Variants in RNF38 observed in about 807,000 individuals in gnomAD.
RNF38 encodes ring finger protein 38, also known as E3 ubiquitin-protein ligase RNF38.
RNF38 carries 15 observed loss-of-function variants against 67.2 expected under a neutral mutation model. The observed-to-expected ratio is 0.22, with a 90% CI of 0.15 to 0.34. The LOEUF (loss-of-function observed/expected upper bound fraction) is 0.34. RNF38 is among the 10% of genes least tolerant of loss of function. The pLI is 1.00. For missense variants in RNF38, 524 were observed against 639.9 expected (o/e 0.82, Z 1.95); for synonymous variants, 220 against 218.8 (o/e 1.01, Z -0.05).
chr9:36,389,365 T>A (rs1836896318), intron 2 of RNF38, among the ~76,000 whole-genome samples: 1 of 151,978 alleles, frequency 6.6e-6, no homozygotes, highest in Non-Finnish European at 1.5e-5. Context: ...AAAAAACCCT[T>A]TTTATTGGTG....
chr9:36,342,753 T>G (rs1297328566), intron 10 of RNF38, among the ~76,000 whole-genome samples: 1 of 152,132 alleles, frequency 6.6e-6, no homozygotes, highest in African/African-American at 2.4e-5. Context: ...ATATAAAAAC[T>G]GACTCAAATG....
intron 1 of RNF38, among the ~76,000 whole-genome samples, chr9:36,469,687 T>C (rs544247158): frequency 4.9e-4 from 74 of 150,902 alleles, no homozygotes; most frequent in African/African-American, 1.7e-3. Flanking sequence ...ATATATATAA[T>C]GTTCAAAGCC....
chr9:36,401,204 G>GGGGCGGGGCGGGGCGGGGCTGC, upstream of RNF38: 1 of 977,186 alleles, frequency 1.0e-6, no homozygotes, highest in Non-Finnish European at 1.2e-6. Flanking sequence ...GGAAGGGGGC[G>GGGGCGGGGCGGGGCGGGGCTGC]GGGCGGGGCG....
intron 3 of RNF38, among the ~76,000 whole-genome samples, chr9:36,374,560 C>T (rs1023184924): frequency 1.8e-4 from 28 of 152,176 alleles, no homozygotes; most frequent in African/African-American, 3.6e-4. Context: ...CTGCAACCTC[C>T]GCCTCCTGGG....
At chr9:36,364,164 C>A (rs7874839) in intron 4 of RNF38, among the ~76,000 whole-genome samples, 1 of 151,660 alleles carries the variant, frequency 6.6e-6, no homozygotes, top group Admixed American at 6.6e-5. Context: ...AGTGTGCCTG[C>A]CTCTCCTCCA....
chr9:36,399,509 CCAT>C (rs1837831084), intron 1 of RNF38, among the ~76,000 whole-genome samples: 1 of 147,390 alleles, frequency 6.8e-6, no homozygotes, highest in African/African-American at 2.5e-5. Flanking sequence ...TTATATAATA[CCAT>C]ATTATAAATA....
intron 1 of RNF38, among the ~76,000 whole-genome samples, chr9:36,454,128 C>CTT (rs111987823): frequency 1.9e-4 from 28 of 146,216 alleles, no homozygotes; most frequent in Admixed American, 5.5e-4. Flanking sequence ...TTCTTTCATA[C>CTT]TTTTTTTTTT....
intron 1 of RNF38, among the ~76,000 whole-genome samples, chr9:36,399,023 T>TTTATTGATAC (rs1837773492): frequency 7.0e-6 from 1 of 143,074 alleles, no homozygotes; most frequent in Non-Finnish European, 1.6e-5. Flanking sequence ...CCAATGCTGT[T>TTTATTGATAC]GGCAGAGAGA....
In RNF38 at chr9:36,475,131, G is replaced by A. The variant is rs575694839; in HGVS notation, n.241+12177C>T. ...ATTTCACTCCAGCCTGGGCAATAGAGTGAGACTCTGCCTCAAAAAAAAAAA... is the reference window on the plus strand; with the variant it reads ...ATTTCACTCCAGCCTGGGCAATAGAATGAGACTCTGCCTCAAAAAAAAAAA... On this transcript the variant is annotated intron_variant and non_coding_transcript_variant, in intron 1 of 3. Coordinates refer to the RNF38 transcript ENST00000488058. Among the ~76,000 whole-genome samples the A allele has an allele frequency of 1.8e-3, 197 of 112,060 alleles. 1 individual carries two copies. Among genetic ancestry groups the A allele is most frequent in the Non-Finnish European group, 2.9e-3 (162 of 55,164 alleles). 73.5% of individuals were successfully genotyped at this position (112,060 alleles called of 152,430 possible).
In RNF38 at chr9:36,372,365, G is replaced by A; in HGVS notation, c.357-2433C>T. 8.9e-6 allele frequency: 5 copies of A among 560,872 alleles called. No individual in the cohort carries two copies. In the South Asian group the frequency reaches 1.2e-4, roughly 13 times the overall value. 34.7% of individuals were successfully genotyped at this position (560,872 alleles called of 1,614,324 possible). ...AAAATTCGATCTTGCTTGTTCTATTGTTTCTTGAAGTTTATTGTTAATTGA... is the reference window on the plus strand; with the variant it reads ...AAAATTCGATCTTGCTTGTTCTATTATTTCTTGAAGTTTATTGTTAATTGA... On this transcript the variant is annotated intron_variant, in intron 3 of 11. Coordinates refer to ENST00000259605, the MANE Select transcript of RNF38 (RefSeq NM_022781.5).
chr9:36,349,426 T>C (rs914263633), intron 9 of RNF38, among the ~76,000 whole-genome samples: 2 of 152,210 alleles, frequency 1.3e-5, no homozygotes, highest in African/African-American at 4.8e-5. Flanking sequence ...TGTGTCTTCT[T>C]TGAGAAATGT....
intron 11 of RNF38, among the ~76,000 whole-genome samples, chr9:36,340,805 C>T (rs1486286543): frequency 2.6e-5 from 4 of 152,178 alleles, no homozygotes; most frequent in Non-Finnish European, 5.9e-5. Context: ...CCTAAATTTG[C>T]TTTCTCCATT....
At chr9:36,357,000 A>G (rs1834172960) in intron 5 of RNF38, among the ~76,000 whole-genome samples, 1 of 152,236 alleles carries the variant, frequency 6.6e-6, no homozygotes, top group Admixed American at 6.5e-5. Context: ...CTGTTAAGTT[A>G]GTATTGGTAT....
At chr9:36,355,865 G>A (rs11794991) in intron 6 of RNF38, among the ~76,000 whole-genome samples, 9,874 of 151,988 alleles carry the variant, frequency 0.065, 402 homozygotes, top group Middle Eastern at 0.11. Flanking sequence ...GTTTATTTTG[G>A]AGACAGAGTC....
chr9:36,487,370 C>G (rs562165267), exon 1 of RNF38: 1 of 984,098 alleles, frequency 1.0e-6, no homozygotes, highest in East Asian at 1.1e-4. Context: ...AGGCCCGTGG[C>G]CCGGAGGGCT....
intron 1 of RNF38, among the ~76,000 whole-genome samples, chr9:36,482,895 G>A (rs1394546396): frequency 6.6e-6 from 1 of 152,174 alleles, no homozygotes; most frequent in East Asian, 1.9e-4. Flanking sequence ...CAGTTCCAAA[G>A]CTGCAGAGCA....
intron 2 of RNF38, among the ~76,000 whole-genome samples, chr9:36,388,818 T>C (rs755915783): frequency 2.0e-5 from 3 of 152,074 alleles, no homozygotes; most frequent in Non-Finnish European, 2.9e-5. Context: ...AGAAGGTACT[T>C]GAGGAGAAAG....
In RNF38 at chr9:36,344,901, G is replaced by C; in HGVS notation, c.1316C>G (p.Thr439Ser). The C allele has an allele frequency of 6.2e-7, 1 of 1,614,070 alleles. No homozygotes were observed. The highest frequency in any genetic ancestry group is 8.5e-7 in the Non-Finnish European group (1 of 1,179,938). The change falls in exon 10 of 12, where the codon ACT becomes AGT. Residue 439 changes from threonine (T) to serine (S), a missense_variant. Physicochemically the swap from Thr to Ser is moderately conservative, Grantham distance 58. Coordinates refer to ENST00000259605, the MANE Select transcript of RNF38 (RefSeq NM_022781.5). Reference protein sequence around the residue: ...RLGEAKPRGLTKADIEQLPSY... With the variant: ...RLGEAKPRGLSKADIEQLPSY... ...AGGAAGTTGTTCAATATCTGCTTTA[G>C]TCAGTCCACGAGGCTTTGCCTCTCC...
rs562740400 is a variant in RNF38 at position 36,456,479 on chromosome 9, C to T, written n.241+30829G>A. On this transcript the variant is annotated intron_variant and non_coding_transcript_variant, in intron 1 of 3. Transcript: ENST00000488058. ...TAAACTTTTCATGACACATAAACAT[C>T]GCTAACATCAATTATCAAACTTTTT... 3.3e-5 allele frequency among the ~76,000 whole-genome samples: 5 copies of T among 150,780 alleles called. No individual in the cohort carries two copies. In the South Asian group the frequency reaches 1.1e-3, roughly 32 times the overall value.
Sources: gnomAD v4.1 joint callset for allele counts (sites outside exome capture counted in the v4.1 genomes callset) on GRCh38, gnomAD v4.1.1 for gene constraint, MANE v1.5 for transcripts, NCBI Gene and HGNC (gene_info 2026-07-23, HGNC 2026-07-21) for gene names.